The following FOXP2 variants were observed in gnomAD, a reference collection of about 807,000 sequenced individuals.
FOXP2 encodes the protein forkhead box P2, also known as forkhead box protein P2.
FOXP2 carries 12 observed loss-of-function variants against 115.8 expected under a neutral mutation model. The ratio of observed to expected loss-of-function variants is 0.10; its 90% CI spans 0.07 to 0.17. FOXP2 has a LOEUF of 0.17. Among genes scored for constraint, FOXP2 ranks in the 10% least tolerant of loss-of-function variants. The probability of loss-of-function intolerance (pLI) is 1.00; values close to 1 mark genes in which losing one functional copy is unlikely to be tolerated. For missense variants in FOXP2, 629 were observed against 843.5 expected (o/e 0.75, Z 3.15); for synonymous variants, 328 against 297.7 (o/e 1.10, Z -1.05).
intron 1 of FOXP2, among the ~76,000 whole-genome samples, chr7:114,420,361 A>T (rs1387666981): frequency 6.6e-6 from 1 of 151,960 alleles, no homozygotes. Flanking sequence ...CCTGCTAGGC[A>T]GGTCTTTCTA....
chr7:114,398,218 C>T (rs1041280328), intron 2 of FOXP2, among the ~76,000 whole-genome samples: 5 of 151,700 alleles, frequency 3.3e-5, no homozygotes, highest in Non-Finnish European at 7.4e-5. Context: ...TCAAAAATAC[C>T]ATATGTAAAA....
chr7:114,108,981 A>T (rs982557156), intron 1 of FOXP2, among the ~76,000 whole-genome samples: 7 of 151,984 alleles, frequency 4.6e-5, no homozygotes, highest in African/African-American at 1.7e-4. Context: ...AGGTAATTTC[A>T]TAAAACAATA....
At chr7:114,288,175 A>T in intron 2 of FOXP2, 1 of 431,072 alleles carries the variant, frequency 2.3e-6, no homozygotes, top group Non-Finnish European at 4.6e-6. Context: ...TCTAATGCTG[A>T]TTTTACTCTT....
chr7:114,568,434 G>T (rs575573732), intron 3 of FOXP2, among the ~76,000 whole-genome samples: 18 of 117,034 alleles, frequency 1.5e-4, no homozygotes, highest in East Asian at 7.9e-4. Context: ...GTTTTTTTTT[G>T]GGGGGGGGTT....
At chr7:114,678,578 G>C (rs1381709349) in intron 16 of FOXP2, among the ~76,000 whole-genome samples, 1 of 25,070 alleles carries the variant, frequency 4.0e-5, no homozygotes, top group African/African-American at 1.1e-4. Context: ...TTTTTTGCTT[G>C]AGAAACTAGC....
intron 1 of FOXP2, among the ~76,000 whole-genome samples, chr7:114,201,529 A>G (rs192233384): frequency 1.0e-3 from 152 of 152,172 alleles, no homozygotes; most frequent in African/African-American, 3.5e-3. Context: ...AATCACAGAA[A>G]CTTTGAATTG....
chr7:114,563,169 A>C (rs1033729913), intron 3 of FOXP2, among the ~76,000 whole-genome samples: 1 of 152,164 alleles, frequency 6.6e-6, no homozygotes, highest in Non-Finnish European at 1.5e-5. Context: ...GGTCCCTCCC[A>C]TGACACATGG....
intron 2 of FOXP2, among the ~76,000 whole-genome samples, chr7:114,329,834 A>G (rs1797655711): frequency 6.6e-6 from 1 of 151,298 alleles, no homozygotes; most frequent in African/African-American, 2.4e-5. Flanking sequence ...GTGCCACCAT[A>G]CCTGGCTAAT....
At chr7:114,615,667 G>A (rs1803905607) in intron 3 of FOXP2, among the ~76,000 whole-genome samples, 1 of 152,104 alleles carries the variant, frequency 6.6e-6, no homozygotes, top group Admixed American at 6.5e-5. Context: ...AGCACTTTCT[G>A]CTACTGCTAT....
At chr7:114,246,486 A>G (rs1274086721) in intron 1 of FOXP2, among the ~76,000 whole-genome samples, 3 of 152,166 alleles carry the variant, frequency 2.0e-5, no homozygotes, top group Non-Finnish European at 4.4e-5. Context: ...TATTGTCCAG[A>G]CACTTTACAG....
chr7:114,176,249 TC>T (rs1438381389), intron 1 of FOXP2, among the ~76,000 whole-genome samples: 200 of 150,764 alleles, frequency 1.3e-3, no homozygotes, highest in African/African-American at 4.5e-3. Flanking sequence ...TCTTTCTTTC[TC>T]TCTCTCTCTT....
chr7:114,185,330 G>A (rs750556747), intron 1 of FOXP2, among the ~76,000 whole-genome samples: 2 of 151,940 alleles, frequency 1.3e-5, no homozygotes, highest in African/African-American at 4.8e-5. Flanking sequence ...ACCTGACTCT[G>A]GGCTTTATTC....
chr7:114,372,778 T>C (rs1412886694), intron 2 of FOXP2, among the ~76,000 whole-genome samples: 2 of 152,178 alleles, frequency 1.3e-5, no homozygotes, highest in Non-Finnish European at 2.9e-5. Flanking sequence ...AAGGTTAATC[T>C]GTTCTCGACA....
At chr7:114,307,855 A>C (rs960781851) in intron 2 of FOXP2, among the ~76,000 whole-genome samples, 2 of 152,188 alleles carry the variant, frequency 1.3e-5, no homozygotes, top group African/African-American at 4.8e-5. Flanking sequence ...TGATGTTCAC[A>C]TGAACTTGTC....
chr7:114,172,654 A>C (rs545674428), intron 1 of FOXP2, among the ~76,000 whole-genome samples: 18 of 152,100 alleles, frequency 1.2e-4, no homozygotes, highest in Non-Finnish European at 2.5e-4. Flanking sequence ...TTTTCCTGTA[A>C]ATCTATAGGA....
intron 1 of FOXP2, among the ~76,000 whole-genome samples, chr7:114,256,184 G>A (rs777058149): frequency 9.2e-5 from 14 of 151,984 alleles, no homozygotes; most frequent in Non-Finnish European, 1.8e-4. Context: ...CTCACTGCAA[G>A]CTCTGCCTCC....
chr7:114,625,344 G>C (rs1804497454), intron 3 of FOXP2, among the ~76,000 whole-genome samples: 1 of 151,604 alleles, frequency 6.6e-6, no homozygotes, highest in Non-Finnish European at 1.5e-5. Context: ...TATGTCACAC[G>C]TCTAAATTGT....
At chr7:114,686,932 G>C (rs951257355) in intron 16 of FOXP2, among the ~76,000 whole-genome samples, 2 of 152,038 alleles carry the variant, frequency 1.3e-5, no homozygotes, top group African/African-American at 4.8e-5. Context: ...GAACTTTCTA[G>C]GATCCAAATG....
chr7:114,185,062 G>C (rs1793556558), intron 1 of FOXP2, among the ~76,000 whole-genome samples: 1 of 152,100 alleles, frequency 6.6e-6, no homozygotes, highest in Admixed American at 6.5e-5. Flanking sequence ...TAGATTTAAA[G>C]AAACATTTCA....
Sources: gnomAD v4.1 joint callset for allele counts (sites outside exome capture counted in the v4.1 genomes callset) on GRCh38, gnomAD v4.1.1 for gene constraint, MANE v1.5 for transcripts, NCBI Gene and HGNC (gene_info 2026-07-23, HGNC 2026-07-21) for gene names.